LIPC: variants seen among roughly 807,000 people sequenced by gnomAD.
LIPC encodes the protein hepatic triacylglycerol lipase.
A neutral mutation model predicts 50.7 loss-of-function variants in LIPC; 44 were observed. The ratio of observed to expected loss-of-function variants is 0.87; its 90% CI spans 0.68 to 1.11. LIPC has a LOEUF of 1.11. LIPC is among the 50% of genes most tolerant of loss of function. The probability of loss-of-function intolerance (pLI) is 0.00; values close to 1 mark genes in which losing one functional copy is unlikely to be tolerated. For synonymous variants in LIPC, 271 were observed against 256.4 expected (o/e 1.06, Z -0.54); for missense variants, 697 against 648.2 (o/e 1.08, Z -0.82).
At chr15:58,511,173 G>A (rs955273550) in intron 1 of LIPC, among the ~76,000 whole-genome samples, 9 of 152,144 alleles carry the variant, frequency 5.9e-5, no homozygotes, top group African/African-American at 2.2e-4. Flanking sequence ...TACAAAATAC[G>A]AATTAAATGA....
chr15:58,559,353 AC>A (rs754992370), intron 6 of LIPC, among the ~76,000 whole-genome samples: 5 of 152,170 alleles, frequency 3.3e-5, no homozygotes, highest in Admixed American at 6.5e-5. Context: ...TTTATTAAGC[AC>A]CTACTGTGTG....
intron 5 of LIPC, among the ~76,000 whole-genome samples, chr15:58,548,013 T>G (rs1893597842): frequency 1.3e-5 from 2 of 152,208 alleles, no homozygotes; most frequent in African/African-American, 4.8e-5. Context: ...GCTCTCTTAA[T>G]GAATTTGATC....
Position 58,469,837 on chromosome 15 carries a change from G to A in LIPC, c.88+37717G>A, listed in dbSNP as rs183818879. 2.8e-3 allele frequency among the ~76,000 whole-genome samples: 419 copies of A among 152,238 alleles called. 3 individuals are homozygous for A. Among genetic ancestry groups the A allele is most frequent in the African/African-American group, 9.4e-3 (392 of 41,530 alleles). ...GGAACAATGGCTAGGACCTCCCCGC[G>A]GCAGCACTTCCCCCAAGAGAATAGA... On this transcript the variant is annotated intron_variant, in intron 1 of 8. Transcript: ENST00000299022.
At chr15:58,565,414 C>T in intron 8 of LIPC, 1 of 1,458,540 alleles carries the variant, frequency 6.9e-7, no homozygotes, top group Non-Finnish European at 9.0e-7. Flanking sequence ...TCCACTGGGG[C>T]ACACCCATGT....
chr15:58,459,421 C>G lies in LIPC; in HGVS notation c.88+27301C>G, dbSNP rs116681018. On this transcript the variant is annotated intron_variant, in intron 1 of 8. Transcript: ENST00000299022. The stretch of plus-strand genomic sequence containing the variant: ...TCTTTCTTTTTTTTTTTTGATGTCC[C>G]TTAGAGAGCTCACAATAAATAAATA... Among the ~76,000 whole-genome samples, 667 of 142,256 alleles carry G rather than the reference C, an allele frequency of 4.7e-3. 9 individuals carry two copies. Among genetic ancestry groups the G allele is most frequent in the African/African-American group, 0.016 (614 of 38,094 alleles). The allele number at this position is 142,256 out of a possible 152,430, so 93.3% of individuals were successfully genotyped here. A position where few individuals can be genotyped will look rare whatever the true frequency, so the allele number is the denominator to read the frequency against.
chr15:58,568,552 G>C (rs1257905757), intron 8 of LIPC, among the ~76,000 whole-genome samples, 164 bp from the exon 9 acceptor site: 2 of 152,260 alleles, frequency 1.3e-5, no homozygotes, highest in Middle Eastern at 3.4e-3. Flanking sequence ...CTTGGGTTTT[G>C]TTTTTCTCTG....
chr15:58,447,806 G>A (rs754317967), intron 1 of LIPC, among the ~76,000 whole-genome samples: 3 of 152,174 alleles, frequency 2.0e-5, no homozygotes, highest in African/African-American at 4.8e-5. Flanking sequence ...TTTGAGAAGC[G>A]AAGTTCTAAA....
At chr15:58,546,003 A>T (rs774971422) in intron 5 of LIPC, 28 bp downstream of exon 5, 1 of 1,531,846 alleles carries the variant, frequency 6.5e-7, no homozygotes, top group South Asian at 1.1e-5. Flanking sequence ...GGCCGGGAGC[A>T]CCGGCCTACA....
intron 1 of LIPC, among the ~76,000 whole-genome samples, chr15:58,519,834 G>A (rs1327662677): frequency 6.6e-6 from 1 of 152,152 alleles, no homozygotes; most frequent in East Asian, 1.9e-4. Context: ...AAGAACTGCA[G>A]TGAAACAGAT....
chr15:58,467,004 A>C (rs112251981), intron 1 of LIPC, among the ~76,000 whole-genome samples: 4,124 of 152,288 alleles, frequency 0.027, 202 homozygotes, highest in African/African-American at 0.094. Context: ...TCATTTTTTT[A>C]TAGATTATAC....
intron 1 of LIPC, among the ~76,000 whole-genome samples, chr15:58,470,597 CT>C (rs5812936): frequency 0.54 from 74,115 of 136,138 alleles, 19,769 homozygotes; most frequent in African/African-American, 0.63. Context: ...CATTTAACTC[CT>C]TTTTTTTTTT....
intron 6 of LIPC, among the ~76,000 whole-genome samples, chr15:58,554,618 G>C (rs12595265): frequency 0.079 from 12,027 of 151,690 alleles, 685 homozygotes; most frequent in East Asian, 0.34. Flanking sequence ...ATTAGGACTG[G>C]GTGTGGCGGC....
chr15:58,439,077 G>A (rs1453355887), intron 1 of LIPC, among the ~76,000 whole-genome samples: 1 of 152,200 alleles, frequency 6.6e-6, no homozygotes, highest in African/African-American at 2.4e-5. Flanking sequence ...GACTGGCAGT[G>A]GCCCTTAAAA....
intron 1 of LIPC, chr15:58,432,471 C>A: frequency 3.1e-6 from 1 of 319,082 alleles, no homozygotes; most frequent in Non-Finnish European, 6.0e-6. Context: ...TAATTTGCAA[C>A]CGGGGAGCCA....
intron 1 of LIPC, chr15:58,436,533 C>A: frequency 3.6e-6 from 1 of 274,608 alleles, no homozygotes; most frequent in Non-Finnish European, 7.3e-6. Context: ...AAGAAGAAAT[C>A]GAGAAAGTAG....
At chr15:58,504,413 A>C (rs1265916716) in intron 1 of LIPC, among the ~76,000 whole-genome samples, 1 of 152,204 alleles carries the variant, frequency 6.6e-6, no homozygotes, top group Non-Finnish European at 1.5e-5. Flanking sequence ...CTTTAAGCCG[A>C]ATCACAAAGA....
At chr15:58,440,440 C>A (rs994692054) in intron 1 of LIPC, among the ~76,000 whole-genome samples, 27 of 152,214 alleles carry the variant, frequency 1.8e-4, no homozygotes, top group African/African-American at 6.5e-4. Flanking sequence ...CTGCTTTATA[C>A]TGAAACATAA....
chr15:58,485,257 GGTGGATAAAAATGGATTCAAGTGA>G (rs1891332643), intron 1 of LIPC, among the ~76,000 whole-genome samples: 1 of 152,168 alleles, frequency 6.6e-6, no homozygotes, highest in Non-Finnish European at 1.5e-5. Flanking sequence ...ATGGGCTGGA[GGTGGATAAAAATGGATTCAAGTGA>G]GTTTTAGGAG....
chr15:58,434,648 T>TA (rs1419503931), intron 1 of LIPC, among the ~76,000 whole-genome samples: 3 of 152,246 alleles, frequency 2.0e-5, no homozygotes, highest in Non-Finnish European at 2.9e-5. Context: ...GTTCCTGCCC[T>TA]TCAGCACTAA....
Sources: allele counts gnomAD v4.1 joint callset (sites outside exome capture counted in the v4.1 genomes callset), GRCh38; gene constraint gnomAD v4.1.1; transcripts MANE v1.5; gene names NCBI Gene and HGNC (gene_info 2026-07-23, HGNC 2026-07-21).